The following PLA2G5 variants were observed in gnomAD, a reference collection of about 807,000 sequenced individuals.
PLA2G5 encodes the protein Ca2+-dependent phospholipase A2.
Under a neutral mutation model 15.9 loss-of-function variants are expected in PLA2G5, and 12 were observed. The ratio of observed to expected loss-of-function variants is 0.76; its 90% CI spans 0.48 to 1.23. The LOEUF is 1.23. Ranked by LOEUF, PLA2G5 falls within the 50% of genes most tolerant of loss-of-function variation. The probability of loss-of-function intolerance (pLI) is 0.00; values close to 1 mark genes in which losing one functional copy is unlikely to be tolerated. For missense variants in PLA2G5, 169 were observed against 177.1 expected (o/e 0.95, Z 0.26); for synonymous variants, 71 against 71.4 (o/e 0.99, Z 0.03).
chr1:20,031,940 G>A (rs1487198128), intron 1 of PLA2G5, among the ~76,000 whole-genome samples: 1 of 152,136 alleles, frequency 6.6e-6, no homozygotes, highest in African/African-American at 2.4e-5. Flanking sequence ...GATGTTGAGT[G>A]AGGTGTCATG....
At chr1:20,035,184 T>C (rs77100909) in intron 1 of PLA2G5, among the ~76,000 whole-genome samples, 4 of 152,112 alleles carry the variant, frequency 2.6e-5, no homozygotes, top group Non-Finnish European at 5.9e-5. Flanking sequence ...TAACAGCAAA[T>C]CCAGGCTTTA....
chr1:20,043,191 T>C (rs1361967244), intron 1 of PLA2G5, among the ~76,000 whole-genome samples: 3 of 151,840 alleles, frequency 2.0e-5, no homozygotes, highest in African/African-American at 7.3e-5. Flanking sequence ...GAATAGTGAG[T>C]TGTGGAGGGA....
At chr1:20,033,265 G>A (rs749071732) in intron 1 of PLA2G5, among the ~76,000 whole-genome samples, 10 of 152,168 alleles carry the variant, frequency 6.6e-5, no homozygotes, top group African/African-American at 1.7e-4. Context: ...AATGAACCAC[G>A]TAGGTGTTCC....
At chr1:20,041,001 C>A (rs2013564079) in intron 1 of PLA2G5, among the ~76,000 whole-genome samples, 1 of 152,234 alleles carries the variant, frequency 6.6e-6, no homozygotes, top group East Asian at 1.9e-4. Context: ...TGTATAAAAA[C>A]AAACTGTGCT....
intron 1 of PLA2G5, among the ~76,000 whole-genome samples, chr1:20,044,154 C>G (rs74057204): frequency 0.098 from 14,963 of 152,216 alleles, 1,181 homozygotes; most frequent in African/African-American, 0.22. Flanking sequence ...GCCCTTGAAG[C>G]AAGATCCTGA....
Position 20,090,826 on chromosome 1 carries a change from C to A in PLA2G5, c.*134C>A. ...AGTCTTTCTCGAAGCTTGGCGGACC[C>A]CCAGGGCCACACTGTACCCTCCAGC... On this transcript the variant is annotated 3_prime_UTR_variant, in exon 5 of 5. Transcript: ENST00000375108. The A allele has an allele frequency of 1.1e-6, 1 of 888,046 alleles. No individual in the cohort carries two copies. Among genetic ancestry groups the A allele is most frequent in the Non-Finnish European group, 1.8e-6 (1 of 554,906 alleles). 55.0% of individuals were successfully genotyped at this position (888,046 alleles called of 1,614,324 possible). A position where few individuals can be genotyped will look rare whatever the true frequency, so the allele number is the denominator to read the frequency against.
At chr1:20,033,528 T>C (rs2013082880) in intron 1 of PLA2G5, among the ~76,000 whole-genome samples, 1 of 152,086 alleles carries the variant, frequency 6.6e-6, no homozygotes, top group South Asian at 2.1e-4. Context: ...TTGTAATGTG[T>C]TGGTTAGAGA....
At chr1:20,075,868 C>CTT (rs534879331) in intron 1 of PLA2G5, among the ~76,000 whole-genome samples, 1,483 of 121,698 alleles carry the variant, frequency 0.012, 23 homozygotes, top group Middle Eastern at 0.019. Flanking sequence ...ATTTCTTTCT[C>CTT]TTTTTTTTTT....
intron 1 of PLA2G5, among the ~76,000 whole-genome samples, chr1:20,034,008 C>T (rs188693761): frequency 1.3e-5 from 2 of 152,144 alleles, no homozygotes; most frequent in South Asian, 2.1e-4. Context: ...TGATTTGGGA[C>T]GGCCAAAGAA....
intron 1 of PLA2G5, among the ~76,000 whole-genome samples, chr1:20,037,013 T>C (rs1409330466): frequency 6.6e-6 from 1 of 152,204 alleles, no homozygotes; most frequent in Non-Finnish European, 1.5e-5. Flanking sequence ...GGTGCCTCCT[T>C]GAGTAGCTGA....
At chr1:20,075,532 C>G (rs1256093913) in intron 1 of PLA2G5, among the ~76,000 whole-genome samples, 1 of 152,192 alleles carries the variant, frequency 6.6e-6, no homozygotes, top group African/African-American at 2.4e-5. Flanking sequence ...AGGCACAGAG[C>G]AGTTAAGAAA....
chr1:20,062,339 C>T (rs189402346), intron 2 of PLA2G5, among the ~76,000 whole-genome samples: 1 of 152,338 alleles, frequency 6.6e-6, no homozygotes, highest in Non-Finnish European at 1.5e-5. Flanking sequence ...ATACTCCTGT[C>T]TCTCCACATC....
At chr1:20,054,563 T>C (rs990104905) in intron 1 of PLA2G5, among the ~76,000 whole-genome samples, 1 of 152,178 alleles carries the variant, frequency 6.6e-6, no homozygotes, top group Non-Finnish European at 1.5e-5. Flanking sequence ...CTTTTTTTTT[T>C]CAAAATATGT....
At chr1:20,029,350 C>CAT (rs1557718717) in intron 1 of PLA2G5, among the ~76,000 whole-genome samples, 3 of 149,646 alleles carry the variant, frequency 2.0e-5, no homozygotes, top group Non-Finnish European at 4.4e-5. Context: ...TCCCCTGATA[C>CAT]GTTCCTCCGC....
At chr1:20,089,708 T>G in intron 3 of PLA2G5, 81 bp from the exon 4 acceptor site, 6 of 1,065,312 alleles carry the variant, frequency 5.6e-6, no homozygotes, top group Non-Finnish European at 7.2e-6. Context: ...TAAAGTGACA[T>G]GGTTGAATTT....
intron 1 of PLA2G5, among the ~76,000 whole-genome samples, chr1:20,034,209 G>C (rs1204976344): frequency 6.6e-6 from 1 of 152,138 alleles, no homozygotes; most frequent in Admixed American, 6.5e-5. Flanking sequence ...GGAGCAAGGG[G>C]AAGTTCAGCT....
chr1:20,051,858 G>T (rs645896), intron 1 of PLA2G5, among the ~76,000 whole-genome samples: 1 of 151,972 alleles, frequency 6.6e-6, no homozygotes, highest in Non-Finnish European at 1.5e-5. Context: ...AGGCCCAGGA[G>T]CCCCAAGTTT....
chr1:20,036,747 C>T (rs576366268), intron 1 of PLA2G5, among the ~76,000 whole-genome samples: 1 of 152,320 alleles, frequency 6.6e-6, no homozygotes, highest in South Asian at 2.1e-4. Flanking sequence ...CTCACTGCAA[C>T]CTCTGCCTCC....
intron 1 of PLA2G5, among the ~76,000 whole-genome samples, chr1:20,081,132 C>T (rs1051030050): frequency 6.6e-6 from 1 of 151,722 alleles, no homozygotes; most frequent in Admixed American, 6.6e-5. Context: ...CGTCTCTATT[C>T]TCTCCCCTCT....
Sources: gnomAD v4.1 joint callset for allele counts (sites outside exome capture counted in the v4.1 genomes callset) on GRCh38, gnomAD v4.1.1 for gene constraint, MANE v1.5 for transcripts, NCBI Gene and HGNC (gene_info 2026-07-23, HGNC 2026-07-21) for gene names.